ATP2B2: variants seen among roughly 807,000 people sequenced by gnomAD.
ATP2B2 encodes the protein plasma membrane calcium-transporting ATPase 2.
A neutral mutation model predicts 120.0 loss-of-function variants in ATP2B2; 15 were observed. The observed-to-expected ratio is 0.12, with a 90% CI of 0.08 to 0.19. The LOEUF (loss-of-function observed/expected upper bound fraction) is 0.19. Ranked by LOEUF, ATP2B2 falls within the 10% of genes least tolerant of loss-of-function variation. ATP2B2 has a pLI of 1.00. For missense variants in ATP2B2, 1,045 were observed against 1,719.8 expected, an observed-to-expected ratio of 0.61 and a Z score of 6.94; for synonymous variants, 694 against 700.3, an observed-to-expected ratio of 0.99 and a Z score of 0.14.
intron 2 of ATP2B2, among the ~76,000 whole-genome samples, chr3:10,448,507 T>G (rs1575257082): frequency 1.3e-5 from 2 of 152,252 alleles, no homozygotes; most frequent in South Asian, 4.1e-4. Flanking sequence ...TGGGCTGACT[T>G]CCCTTGTCTC....
upstream of ATP2B2, chr3:10,505,675 G>A (rs945909101): frequency 6.7e-6 from 1 of 148,844 alleles, no homozygotes; most frequent in African/African-American, 2.5e-5. Flanking sequence ...TGCAATCTCG[G>A]GGGAGGCAGA....
At chr3:10,610,102 CAT>C (rs1491249543) in intron 2 of ATP2B2, among the ~76,000 whole-genome samples, 36 of 130,684 alleles carry the variant, frequency 2.8e-4, no homozygotes, top group African/African-American at 8.2e-4. Flanking sequence ...CACACACACA[CAT>C]ATATACACAT....
chr3:10,369,225 T>C (rs1478203201), intron 12 of ATP2B2, among the ~76,000 whole-genome samples: 1 of 152,206 alleles, frequency 6.6e-6, no homozygotes, highest in Non-Finnish European at 1.5e-5. Context: ...TGTCCTGGTT[T>C]GGAGGGTGGC....
At chr3:10,556,848 C>A (rs899936645) in intron 2 of ATP2B2, among the ~76,000 whole-genome samples, 4 of 152,188 alleles carry the variant, frequency 2.6e-5, no homozygotes, top group African/African-American at 9.7e-5. Context: ...CTTACAGCAA[C>A]CCTCTGGGGT....
At chr3:10,345,839 C>G (rs2060415328) in intron 17 of ATP2B2, among the ~76,000 whole-genome samples, 192 bp downstream of exon 17, 1 of 152,190 alleles carries the variant, frequency 6.6e-6, no homozygotes, top group Admixed American at 6.5e-5. Context: ...CACAGCTCCC[C>G]CAGAGCAAGA....
chr3:10,577,316 C>T (rs938711026), intron 2 of ATP2B2, among the ~76,000 whole-genome samples: 1 of 152,188 alleles, frequency 6.6e-6, no homozygotes, highest in Non-Finnish European at 1.5e-5. Flanking sequence ...CAGACACTGG[C>T]TGAGATTCCT....
At position 10,655,538 on chromosome 3, in the gene ATP2B2, G is replaced by T. The variant is rs139042364; in HGVS notation, c.-459-35577C>A. Among the ~76,000 whole-genome samples, 99 of 143,454 alleles carry T rather than the reference G, an allele frequency of 6.9e-4. No homozygotes were observed. The East Asian group carries it at 0.013, about 19-fold the overall frequency. The allele number at this position is 143,454 out of a possible 152,430, so 94.1% of individuals were successfully genotyped here. Reference sequence around the variant, plus strand: ...TCAAAGTATGGTCCCTGGAACAGCAGCATCATCATTGCCTGGCAATTAGTA... The same window carrying T: ...TCAAAGTATGGTCCCTGGAACAGCATCATCATCATTGCCTGGCAATTAGTA... On this transcript the variant is annotated intron_variant, in intron 1 of 21. Coordinates refer to the ATP2B2 transcript ENST00000646379.
intron 2 of ATP2B2, among the ~76,000 whole-genome samples, chr3:10,602,664 T>G (rs1057105227): frequency 6.6e-6 from 1 of 152,236 alleles, no homozygotes; most frequent in Non-Finnish European, 1.5e-5. Context: ...AAAGTTTCTT[T>G]TAAAGAGAAC....
At chr3:10,591,643 A>C (rs762806460) in intron 2 of ATP2B2, among the ~76,000 whole-genome samples, 6 of 151,686 alleles carry the variant, frequency 4.0e-5, no homozygotes, top group Admixed American at 1.3e-4. Context: ...TGTTTTCCTC[A>C]ATGGCTGTAA....
At chr3:10,369,162 C>T (rs1490920385) in intron 12 of ATP2B2, among the ~76,000 whole-genome samples, 1 of 152,202 alleles carries the variant, frequency 6.6e-6, no homozygotes, top group African/African-American at 2.4e-5. Context: ...GCATGCCCTT[C>T]CTGCCCTGTC....
chr3:10,377,130 T>C (rs1264792584), intron 10 of ATP2B2, among the ~76,000 whole-genome samples: 1 of 152,168 alleles, frequency 6.6e-6, no homozygotes, highest in Non-Finnish European at 1.5e-5. Flanking sequence ...GAGTGAGGAC[T>C]TTGAAGGCCA....
intron 1 of ATP2B2, among the ~76,000 whole-genome samples, chr3:10,459,967 C>T (rs890159010): frequency 2.6e-5 from 4 of 152,240 alleles, no homozygotes; most frequent in East Asian, 1.9e-4. Flanking sequence ...ACTTCTTTGC[C>T]GTTTTTCCTT....
intron 2 of ATP2B2, among the ~76,000 whole-genome samples, chr3:10,535,177 T>C (rs1402491092): frequency 2.0e-5 from 3 of 152,176 alleles, no homozygotes. Flanking sequence ...GTGCTAGGAT[T>C]ACAGGCATGA....
At chr3:10,676,000 C>G (rs1196768604) in intron 1 of ATP2B2, among the ~76,000 whole-genome samples, 2 of 152,196 alleles carry the variant, frequency 1.3e-5, no homozygotes, top group Non-Finnish European at 2.9e-5. Context: ...GATTGGATTA[C>G]AATTTGTGAT....
At chr3:10,665,759 G>GTT (rs1395093920) in intron 1 of ATP2B2, among the ~76,000 whole-genome samples, 8 of 152,164 alleles carry the variant, frequency 5.3e-5, no homozygotes, top group Non-Finnish European at 1.2e-4. Flanking sequence ...CACAGGCATG[G>GTT]TGTCACCTCT....
At chr3:10,529,052 G>A (rs2067157431) in intron 3 of ATP2B2, among the ~76,000 whole-genome samples, 1 of 152,244 alleles carries the variant, frequency 6.6e-6, no homozygotes, top group Non-Finnish European at 1.5e-5. Flanking sequence ...CAGCCAAGCG[G>A]GGGTGATGGG....
At chr3:10,636,943 G>A (rs2070038027) in intron 1 of ATP2B2, among the ~76,000 whole-genome samples, 1 of 152,200 alleles carries the variant, frequency 6.6e-6, no homozygotes, top group South Asian at 2.1e-4. Context: ...TCCAGGGAAG[G>A]AACCACTGGA....
chr3:10,496,645 A>C (rs2125388212), intron 1 of ATP2B2, among the ~76,000 whole-genome samples: 1 of 151,354 alleles, frequency 6.6e-6, no homozygotes. Flanking sequence ...CACACATTGC[A>C]CTCCACACGC....
intron 1 of ATP2B2, among the ~76,000 whole-genome samples, chr3:10,657,688 A>G (rs2070672126): frequency 6.6e-6 from 1 of 152,258 alleles, no homozygotes; most frequent in African/African-American, 2.4e-5. Flanking sequence ...ATAGCCGAAC[A>G]AAAGGCAGCA....
Sources: gnomAD v4.1 joint callset for allele counts (sites outside exome capture counted in the v4.1 genomes callset) on GRCh38, gnomAD v4.1.1 for gene constraint, MANE v1.5 for transcripts, NCBI Gene and HGNC (gene_info 2026-07-23, HGNC 2026-07-21) for gene names.